The following SLC27A6 variants were observed in gnomAD, a reference collection of about 807,000 sequenced individuals.
The protein encoded by SLC27A6 is solute carrier family 27 member 6.
In SLC27A6, 74 loss-of-function variants were observed where a neutral mutation model predicts 63.9. The ratio of observed to expected loss-of-function variants is 1.16; its 90% CI spans 0.96 to 1.40. SLC27A6 has a LOEUF of 1.40. SLC27A6 is among the 40% of genes most tolerant of loss of function. The pLI is 0.00. For missense variants in SLC27A6, 794 were observed against 732.9 expected, an observed-to-expected ratio of 1.08 and a Z score of -0.96; for synonymous variants, 287 against 260.8, an observed-to-expected ratio of 1.10 and a Z score of -0.97.
In SLC27A6 at chr5:128,986,158, A is replaced by T. The variant is rs10045671; in HGVS notation, c.685+822A>T. Among the ~76,000 whole-genome samples the T allele has an allele frequency of 1.4e-3, 208 of 151,998 alleles. 2 individuals carry two copies. Among genetic ancestry groups the T allele is most frequent in the Admixed American group, 1.8e-3 (27 of 15,266 alleles). ...GAGACCTCATATGTACAAAAAAATT[A>T]AAAAAAATAGCCAGATGTGGTGGCA... On this transcript the variant is annotated intron_variant, in intron 2 of 9. Coordinates refer to ENST00000262462, the MANE Select transcript of SLC27A6 (RefSeq NM_001017372.3).
intron 1 of SLC27A6, among the ~76,000 whole-genome samples, chr5:128,970,906 T>C (rs1331661342): frequency 6.6e-6 from 1 of 152,182 alleles, no homozygotes; most frequent in Non-Finnish European, 1.5e-5. Context: ...GTGCTATAAA[T>C]TTCCCTCTAC....
At chr5:128,996,279 T>C (rs1207601324) in intron 4 of SLC27A6, among the ~76,000 whole-genome samples, 1 of 151,990 alleles carries the variant, frequency 6.6e-6, no homozygotes, top group Admixed American at 6.6e-5. Context: ...CAAGGCATAG[T>C]CTATACTTAT....
intron 9 of SLC27A6, among the ~76,000 whole-genome samples, chr5:129,032,811 C>T (rs1279041533): frequency 1.3e-5 from 2 of 151,826 alleles, no homozygotes; most frequent in Admixed American, 6.6e-5. Flanking sequence ...GTTATATTGG[C>T]ATTGAATTGA....
intron 4 of SLC27A6, among the ~76,000 whole-genome samples, chr5:128,993,743 A>G (rs1187656976): frequency 6.6e-6 from 1 of 152,146 alleles, no homozygotes; most frequent in East Asian, 1.9e-4. Context: ...ATTTGGAGGA[A>G]ATATTATAGC....
chr5:129,024,906 A>G (rs1752186186), intron 6 of SLC27A6, among the ~76,000 whole-genome samples: 1 of 152,202 alleles, frequency 6.6e-6, no homozygotes, highest in Non-Finnish European at 1.5e-5. Flanking sequence ...CTATTAAAAA[A>G]CAAATCTCCC....
chr5:129,007,442 TAAA>T (rs569920098), intron 4 of SLC27A6, among the ~76,000 whole-genome samples: 24,530 of 103,506 alleles, frequency 0.24, 2,254 homozygotes, highest in Middle Eastern at 0.29. Flanking sequence ...GACTCAGTCT[TAAA>T]AAAAAAAAAA....
chr5:129,022,747 C>T (rs1043441964), intron 5 of SLC27A6, among the ~76,000 whole-genome samples: 8 of 152,040 alleles, frequency 5.3e-5, no homozygotes, highest in Admixed American at 4.6e-4. Flanking sequence ...ATTGCTTGAG[C>T]CTGGGAGGCA....
intron 4 of SLC27A6, among the ~76,000 whole-genome samples, chr5:128,991,721 T>TAA (rs1181727318): frequency 6.7e-6 from 1 of 148,856 alleles, no homozygotes; most frequent in African/African-American, 2.5e-5. Flanking sequence ...TACTTTAAAT[T>TAA]AAAAAAAAAA....
At position 129,016,007 on chromosome 5, in the gene SLC27A6, C is replaced by G; in HGVS notation, c.1092C>G (p.Thr364=). The G allele has an allele frequency of 6.2e-7, 1 of 1,608,826 alleles. No individual in the cohort carries two copies. Among genetic ancestry groups the G allele is most frequent in the Non-Finnish European group, 8.5e-7 (1 of 1,178,378 alleles). ...AGGTGTGTGAACTTTATGCAGCTAC[C>G]GAATCAAGCATATCTTTCATGAACT... ...NIKVCELYAA[T]ESSISFMNYT... Residue 364 remains threonine, a synonymous_variant, in exon 5 of 10, where the codon ACC becomes ACG. Transcript: ENST00000262462.
rs138814008 is a variant in SLC27A6 at position 128,997,206 on chromosome 5, A to G, written c.969+6742A>G. Among the ~76,000 whole-genome samples, 42 of 152,308 alleles carry G rather than the reference A, an allele frequency of 2.8e-4. No homozygotes were observed. In the East Asian group the frequency reaches 8.1e-3, roughly 29 times the overall value. ...TTAATTGTTATCAAGATATTCTGAT[A>G]TAGTTTCATTACAATTCTCTGTAGC... On this transcript the variant is annotated intron_variant, in intron 4 of 9. Transcript: ENST00000262462.
At chr5:128,973,199 T>C (rs1386397195) in intron 1 of SLC27A6, among the ~76,000 whole-genome samples, 1 of 152,154 alleles carries the variant, frequency 6.6e-6, no homozygotes, top group Admixed American at 6.5e-5. Flanking sequence ...TACTGGGAGA[T>C]GTCTCCCAGT....
intron 2 of SLC27A6, among the ~76,000 whole-genome samples, chr5:128,985,881 C>A (rs965348365): frequency 6.6e-6 from 1 of 152,150 alleles, no homozygotes; most frequent in Non-Finnish European, 1.5e-5. Context: ...TGATTTTGGT[C>A]AGGGTAATTG....
chr5:128,977,329 C>A (rs1418516928), intron 1 of SLC27A6, among the ~76,000 whole-genome samples: 2 of 152,128 alleles, frequency 1.3e-5, no homozygotes, highest in African/African-American at 4.8e-5. Context: ...GCATCAACAT[C>A]TATTTGTGAA....
chr5:129,031,122 T>C (rs549867879), intron 9 of SLC27A6, among the ~76,000 whole-genome samples: 6 of 152,062 alleles, frequency 3.9e-5, no homozygotes, highest in Non-Finnish European at 8.8e-5. Flanking sequence ...TTTAGAAGAT[T>C]AGATCAGCCT....
Position 128,966,596 on chromosome 5 carries a change from C to G in SLC27A6, c.459C>G (p.Pro153=). The G allele has an allele frequency of 6.5e-6, 10 of 1,535,984 alleles. No homozygotes were observed. The highest frequency in any genetic ancestry group is 8.7e-6 in the Non-Finnish European group (10 of 1,149,850). The part of the protein sequence containing the change: ...SLLNCIRACG[P]RALVVGADLL... ...TGAATTGCATCCGCGCCTGTGGGCC[C>G]AGAGCCCTAGTGGTGGGCGCAGGTA... The change falls in exon 1 of 10, where the codon CCC becomes CCG. Residue 153 remains proline, a synonymous_variant. Coordinates refer to ENST00000262462, the MANE Select transcript of SLC27A6 (RefSeq NM_001017372.3).
At chr5:128,987,448 GA>G (rs1453600608) in intron 2 of SLC27A6, among the ~76,000 whole-genome samples, 1 of 151,788 alleles carries the variant, frequency 6.6e-6, no homozygotes, top group East Asian at 1.9e-4. Context: ...CCAGATATTT[GA>G]AAAAAATCCT....
At chr5:129,001,095 C>T (rs1023213590) in intron 4 of SLC27A6, among the ~76,000 whole-genome samples, 2 of 152,156 alleles carry the variant, frequency 1.3e-5, no homozygotes, top group Admixed American at 6.5e-5. Context: ...GAAACCACGG[C>T]CCACCCAAAC....
At chr5:128,975,601 G>A (rs993942731) in intron 1 of SLC27A6, among the ~76,000 whole-genome samples, 1 of 152,130 alleles carries the variant, frequency 6.6e-6, no homozygotes, top group South Asian at 2.1e-4. Flanking sequence ...AAACATAGTG[G>A]TATGATCTTA....
chr5:128,988,177 T>C (rs1037550028), intron 2 of SLC27A6, among the ~76,000 whole-genome samples: 1 of 152,290 alleles, frequency 6.6e-6, no homozygotes, highest in Non-Finnish European at 1.5e-5. Flanking sequence ...TACCTAGAAT[T>C]CTTTACAAGC....
Sources: allele counts gnomAD v4.1 joint callset (sites outside exome capture counted in the v4.1 genomes callset), GRCh38; gene constraint gnomAD v4.1.1; transcripts MANE v1.5; gene names NCBI Gene and HGNC (gene_info 2026-07-23, HGNC 2026-07-21).